The following BBS7 variants were observed in gnomAD, a reference collection of about 807,000 sequenced individuals.
BBS7 encodes BBSome complex member BBS7.
BBS7 carries 50 observed loss-of-function variants against 90.3 expected under a neutral mutation model. The observed-to-expected ratio is 0.55, with a 90% confidence interval of 0.44 to 0.70. The LOEUF (loss-of-function observed/expected upper bound fraction) is 0.70. BBS7 is among the 30% of genes least tolerant of loss of function. The pLI, the probability that BBS7 is intolerant of heterozygous loss-of-function variation, is 0.00. For synonymous variants in BBS7, 235 were observed against 287.4 expected (o/e 0.82, Z 1.85); for missense variants, 729 against 838.9 (o/e 0.87, Z 1.62).
rs770631022 is a variant in BBS7, at chr4:121,870,328, G to A, written c.-15C>T. The A allele has an allele frequency of 9.9e-6, 16 of 1,614,056 alleles. No homozygotes were observed. In the African/African-American group the frequency reaches 2.0e-4, roughly 20 times the overall value. On this transcript the variant is annotated 5_prime_UTR_variant, in exon 1 of 19. Coordinates refer to ENST00000264499, the MANE Select transcript of BBS7 (RefSeq NM_176824.3). ...ATCAGATCCATGATGACTACGCGGA[G>A]GGGCTAAGCAGCGCCGGACAAGAAC...
At chr4:121,830,200 G>A (rs1020553561) in intron 15 of BBS7, among the ~76,000 whole-genome samples, 17 of 152,134 alleles carry the variant, frequency 1.1e-4, no homozygotes, top group African/African-American at 3.1e-4. Context: ...TCAGGAGTTC[G>A]AGACTAACCT....
At chr4:121,864,552 A>T (rs193272459) in intron 2 of BBS7, among the ~76,000 whole-genome samples, 3 of 152,320 alleles carry the variant, frequency 2.0e-5, no homozygotes, top group East Asian at 1.9e-4. Context: ...TAATTTTTTT[A>T]AAATAAAATA....
chr4:121,855,410 T>C, intron 6 of BBS7, 79 bp downstream of exon 6: 1 of 1,298,164 alleles, frequency 7.7e-7, no homozygotes, highest in Non-Finnish European at 1.1e-6. Flanking sequence ...AATTCTAGTT[T>C]ATGTCCTTTC....
intron 2 of BBS7, among the ~76,000 whole-genome samples, chr4:121,863,637 A>C (rs540027453): frequency 6.6e-6 from 1 of 152,330 alleles, no homozygotes; most frequent in Non-Finnish European, 1.5e-5. Context: ...ATGCCTACAA[A>C]GTAATTTTTT....
chr4:121,839,809 C>T, intron 12 of BBS7, 113 bp from the exon 13 acceptor site: 2 of 882,918 alleles, frequency 2.3e-6, no homozygotes, highest in African/African-American at 1.7e-5. Context: ...CATTGGTGCT[C>T]AGCGCTTTTC....
chr4:121,838,414 A>G (rs889625655), intron 13 of BBS7, among the ~76,000 whole-genome samples: 4 of 152,068 alleles, frequency 2.6e-5, no homozygotes, highest in African/African-American at 9.7e-5. Context: ...AACACCAGGA[A>G]AAAAGTTATA....
intron 5 of BBS7, among the ~76,000 whole-genome samples, chr4:121,855,871 T>C (rs1726616073): frequency 7.0e-6 from 1 of 143,374 alleles, no homozygotes; most frequent in African/African-American, 2.8e-5. Flanking sequence ...TGTATATATG[T>C]ATATGTACAT....
In BBS7 at chr4:121,856,501, G is replaced by C. The variant is rs533560963; in HGVS notation, c.529-940C>G. ...GGAGGCCAAGACGGGTGGATCATCA[G>C]GTCAGGAGTTCAAGACCAGCCTGAC... On this transcript the variant is annotated intron_variant, in intron 5 of 18. Coordinates refer to ENST00000264499, the MANE Select transcript of BBS7 (RefSeq NM_176824.3). Among the ~76,000 whole-genome samples, 23 of 152,158 alleles carry C rather than the reference G, an allele frequency of 1.5e-4. No individual in the cohort carries two copies. The South Asian group carries it at 3.1e-3, about 21-fold the overall frequency.
intron 18 of BBS7, among the ~76,000 whole-genome samples, chr4:121,826,803 G>C (rs1246497342): frequency 6.6e-6 from 1 of 152,102 alleles, no homozygotes; most frequent in African/African-American, 2.4e-5. Context: ...CCAATATGGT[G>C]AAACCCTGTC....
In BBS7 at chr4:121,853,023, C is replaced by T; in HGVS notation, c.782G>A (p.Arg261Lys). Reference sequence around the variant, plus strand: ...ATACACTTCCACCATTCCGTCATCTCTCCCAACAAGTAAATCTTTAACCCC... The same window carrying T: ...ATACACTTCCACCATTCCGTCATCTTTCCCAACAAGTAAATCTTTAACCCC... Reference protein sequence around the residue: ...GDGVKDLLVGRDDGMVEVYSF... With the variant: ...GDGVKDLLVGKDDGMVEVYSF... Residue 261 changes from arginine (R) to lysine (K), a missense_variant, in exon 8 of 19, where the codon AGA becomes AAA. Transcript: ENST00000264499. 6.2e-7 allele frequency: 1 copy of T among 1,613,838 alleles called. No homozygotes were observed. The highest frequency in any genetic ancestry group is 8.5e-7 in the Non-Finnish European group (1 of 1,179,796).
chr4:121,833,143 C>G, intron 15 of BBS7, 88 bp downstream of exon 15: 1 of 1,280,408 alleles, frequency 7.8e-7, no homozygotes, highest in African/African-American at 1.5e-5. Context: ...AATCAGATTA[C>G]TCACAAATAA....
chr4:121,851,910 G>C (rs1237727426), intron 8 of BBS7, among the ~76,000 whole-genome samples: 1 of 152,180 alleles, frequency 6.6e-6, no homozygotes, highest in African/African-American at 2.4e-5. Context: ...TGGCAGAACA[G>C]GTAAATGCTA....
In BBS7 at chr4:121,853,046, C is replaced by G; in HGVS notation, c.759G>C (p.Gly253=). 1 of 1,613,624 alleles carries G rather than the reference C, an allele frequency of 6.2e-7. No homozygotes were observed. Among genetic ancestry groups the G allele is most frequent in the East Asian group, 2.2e-5 (1 of 44,838 alleles). Residue 253 remains glycine, a synonymous_variant, in exon 8 of 19, where the codon GGG becomes GGC. Transcript: ENST00000264499. Reference sequence around the variant, plus strand: ...CTCTCCCAACAAGTAAATCTTTAACCCCATCACCCACAATGTCAAAGCTGT... The same window carrying G: ...CTCTCCCAACAAGTAAATCTTTAACGCCATCACCCACAATGTCAAAGCTGT... The part of the protein sequence containing the change: ...CIDSFDIVGD[G]VKDLLVGRDD...
Position 121,845,665 on chromosome 4 carries a change from A to G in BBS7, c.1069T>C (p.Leu357=), listed in dbSNP as rs906692940. 1 of 1,613,212 alleles carries G rather than the reference A, an allele frequency of 6.2e-7. No homozygotes were observed. The highest frequency in any genetic ancestry group is 8.5e-7 in the Non-Finnish European group (1 of 1,179,442). ...TGTTGATAATTCTCTCTTTCCTGCA[A>G]TACCTTATACTGCAAATGTTCCAAC... The part of the protein sequence containing the change: ...NELEHLQYKV[L]QERENYQQSS... Residue 357 remains leucine (L), a synonymous_variant, in exon 11 of 19, where the codon TTG becomes CTG. Coordinates refer to ENST00000264499, the MANE Select transcript of BBS7 (RefSeq NM_176824.3).
At chr4:121,864,889 T>C (rs914773089) in intron 2 of BBS7, among the ~76,000 whole-genome samples, 3 of 152,194 alleles carry the variant, frequency 2.0e-5, no homozygotes, top group Non-Finnish European at 4.4e-5. Context: ...ATACTGATCA[T>C]TTCTCTGGGT....
Position 121,863,249 on chromosome 4 carries a change from T to C in BBS7, c.133A>G (p.Met45Val). ...TCTCCTTTCTTCATGCCAAAGCACA[T>C]AACTACCCCATCATGATCTCCAATA... ...VVIGDHDGVV[M>V]CFGMKKGEAA... is the part of the protein sequence containing the mutation. The change falls in exon 3 of 19, where the codon ATG (methionine) becomes GTG (valine). Residue 45 changes from methionine (M) to valine (V), a missense_variant. Met to Val is a conservative substitution (Grantham distance 21). Transcript: ENST00000264499. 1 of 1,613,926 alleles carries C rather than the reference T, an allele frequency of 6.2e-7. No individual in the cohort carries two copies. Among genetic ancestry groups the C allele is most frequent in the South Asian group, 1.1e-5 (1 of 91,058 alleles).
At chr4:121,867,120 GT>G (rs1485885423) in intron 2 of BBS7, among the ~76,000 whole-genome samples, 4 of 151,752 alleles carry the variant, frequency 2.6e-5, no homozygotes, top group African/African-American at 4.8e-5. Context: ...GTGTTTTATA[GT>G]TTTTTTTATA....
intron 6 of BBS7, 135 bp downstream of exon 6, chr4:121,855,354 C>G (rs1560660298): frequency 2.8e-5 from 23 of 813,556 alleles, no homozygotes; most frequent in Non-Finnish European, 4.4e-5. Context: ...AGTTCAATAA[C>G]TCGTGCTGTT....
chr4:121,853,108 A>C, intron 7 of BBS7, 22 bp from the exon 8 acceptor site: 2 of 1,608,676 alleles, frequency 1.2e-6, no homozygotes, highest in Non-Finnish European at 8.5e-7. Flanking sequence ...GATATGTGAT[A>C]AGTTATTAAG....
Sources: allele counts gnomAD v4.1 joint callset (sites outside exome capture counted in the v4.1 genomes callset), GRCh38; gene constraint gnomAD v4.1.1; transcripts MANE v1.5; gene names NCBI Gene and HGNC (gene_info 2026-07-23, HGNC 2026-07-21).